TRAPPC9: variants seen among roughly 807,000 people sequenced by gnomAD.
The protein encoded by TRAPPC9 is IKK2 binding protein.
In TRAPPC9, 83 loss-of-function variants were observed where a neutral mutation model predicts 124.0. The observed-to-expected ratio is 0.67, with a 90% CI of 0.56 to 0.80. The LOEUF (loss-of-function observed/expected upper bound fraction) is 0.80. TRAPPC9 is among the 30% of genes least tolerant of loss of function. The probability of loss-of-function intolerance (pLI) is 0.00; values close to 1 mark genes in which losing one functional copy is unlikely to be tolerated. For synonymous variants in TRAPPC9, 638 were observed against 617.5 expected, an observed-to-expected ratio of 1.03 and a Z score of -0.49; for missense variants, 1,302 against 1,508.3, an observed-to-expected ratio of 0.86 and a Z score of 2.27.
intron 17 of TRAPPC9, among the ~76,000 whole-genome samples, chr8:140,060,157 T>G (rs1056613291): frequency 8.5e-5 from 13 of 152,236 alleles, no homozygotes; most frequent in African/African-American, 2.9e-4. Context: ...ATGCCTGTTT[T>G]CCAGTCCTCT....
intron 20 of TRAPPC9, among the ~76,000 whole-genome samples, chr8:139,899,041 A>T: frequency 7.1e-6 from 1 of 139,900 alleles, no homozygotes; most frequent in East Asian, 2.3e-4. Flanking sequence ...AATTGCTTGA[A>T]CCCAGGAGGC....
intron 19 of TRAPPC9, among the ~76,000 whole-genome samples, chr8:139,928,821 TG>T (rs1408397860): frequency 4.0e-5 from 6 of 151,378 alleles, no homozygotes; most frequent in African/African-American, 1.5e-4. Context: ...CTCACCCTTT[TG>T]TGGGTGCATT....
intron 17 of TRAPPC9, among the ~76,000 whole-genome samples, chr8:140,125,359 C>T (rs1258091554): frequency 5.3e-5 from 8 of 152,290 alleles, no homozygotes; most frequent in East Asian, 1.9e-4. Flanking sequence ...GAAGCATCGA[C>T]GAGAACCTAG....
chr8:139,768,394 G>A (rs1297421554), intron 21 of TRAPPC9, among the ~76,000 whole-genome samples: 1 of 152,238 alleles, frequency 6.6e-6, no homozygotes, highest in East Asian at 1.9e-4. Context: ...GCACGGGGCA[G>A]GCAGGTTTTG....
chr8:140,368,096 G>A (rs887472588), intron 8 of TRAPPC9, among the ~76,000 whole-genome samples: 5 of 152,176 alleles, frequency 3.3e-5, no homozygotes, highest in Non-Finnish European at 5.9e-5. Context: ...TTCTTTAAAC[G>A]TGGGACTTGG....
intron 7 of TRAPPC9, among the ~76,000 whole-genome samples, chr8:140,392,236 T>A (rs2068947145): frequency 6.6e-6 from 1 of 152,134 alleles, no homozygotes; most frequent in South Asian, 2.1e-4. Flanking sequence ...CTTTGCAAAG[T>A]TGTTGTGATG....
chr8:140,225,569 G>A (rs949463327), intron 16 of TRAPPC9, among the ~76,000 whole-genome samples: 1 of 152,218 alleles, frequency 6.6e-6, no homozygotes, highest in African/African-American at 2.4e-5. Flanking sequence ...AATGCCTGCT[G>A]TGAAGGGTAC....
At chr8:140,105,793 G>A (rs199866762) in intron 17 of TRAPPC9, among the ~76,000 whole-genome samples, 1 of 152,128 alleles carries the variant, frequency 6.6e-6, no homozygotes, top group East Asian at 1.9e-4. Flanking sequence ...GGAGGCTCCA[G>A]GAAGGAGAGA....
intron 19 of TRAPPC9, among the ~76,000 whole-genome samples, chr8:139,987,315 A>G (rs1425313412): frequency 6.6e-6 from 1 of 152,194 alleles, no homozygotes; most frequent in Non-Finnish European, 1.5e-5. Flanking sequence ...TTTACAGGAT[A>G]GCCCCAGACC....
intron 2 of TRAPPC9, among the ~76,000 whole-genome samples, chr8:140,449,674 A>C (rs2071388075): frequency 6.6e-6 from 1 of 152,240 alleles, no homozygotes; most frequent in Non-Finnish European, 1.5e-5. Flanking sequence ...GCATCCTGAT[A>C]TCCATGCTTG....
chr8:140,452,776 C>A (rs2071513952), intron 1 of TRAPPC9, among the ~76,000 whole-genome samples: 1 of 152,172 alleles, frequency 6.6e-6, no homozygotes, highest in Non-Finnish European at 1.5e-5. Flanking sequence ...CTGCCCCCAG[C>A]CTACAGACGG....
At chr8:140,002,844 C>CAAAAAAAAAAAAAAAAAA (rs56895763) in intron 18 of TRAPPC9, among the ~76,000 whole-genome samples, 1 of 68,806 alleles carries the variant, frequency 1.5e-5, no homozygotes, top group Non-Finnish European at 2.8e-5. Flanking sequence ...TTCCACTTAT[C>CAAAAAAAAAAAAAAAAAA]AAAAAAAAAA....
chr8:140,275,090 C>T (rs2065070343), intron 15 of TRAPPC9, among the ~76,000 whole-genome samples: 1 of 152,206 alleles, frequency 6.6e-6, no homozygotes, highest in Non-Finnish European at 1.5e-5. Flanking sequence ...ACCAGGTGTC[C>T]TGCCAAACAC....
At chr8:140,023,248 C>T (rs1238461754) in intron 18 of TRAPPC9, among the ~76,000 whole-genome samples, 1 of 152,182 alleles carries the variant, frequency 6.6e-6, no homozygotes, top group Non-Finnish European at 1.5e-5. Context: ...GCTTCATTCA[C>T]CTCCAGCTTC....
At chr8:139,856,540 T>C (rs1355763984) in intron 21 of TRAPPC9, among the ~76,000 whole-genome samples, 1 of 152,162 alleles carries the variant, frequency 6.6e-6, no homozygotes, top group East Asian at 1.9e-4. Flanking sequence ...TCCTCTCAGC[T>C]TCCCCTGAGC....
intron 2 of TRAPPC9, among the ~76,000 whole-genome samples, chr8:140,439,538 A>G (rs1457616843): frequency 1.3e-5 from 2 of 152,226 alleles, no homozygotes; most frequent in South Asian, 2.1e-4. Flanking sequence ...AAAAAAATCA[A>G]TTATCTTCCA....
At chr8:139,819,929 C>A (rs1381737930) in intron 21 of TRAPPC9, among the ~76,000 whole-genome samples, 2 of 147,748 alleles carry the variant, frequency 1.4e-5, no homozygotes, top group Non-Finnish European at 3.0e-5. Context: ...AGGAGAATCA[C>A]CCCGGGAGGC....
intron 17 of TRAPPC9, among the ~76,000 whole-genome samples, chr8:140,049,286 G>C (rs952584850): frequency 2.0e-5 from 3 of 152,190 alleles, no homozygotes; most frequent in African/African-American, 7.2e-5. Flanking sequence ...AAAACTTTTG[G>C]CAAGGAGAGT....
chr8:139,978,003 A>C (rs1377956475), intron 19 of TRAPPC9, among the ~76,000 whole-genome samples: 6 of 152,010 alleles, frequency 3.9e-5, no homozygotes, highest in Admixed American at 6.6e-5. Context: ...TTTAATGAGG[A>C]CTAAAAAAAG....
Sources: allele counts gnomAD v4.1 joint callset (sites outside exome capture counted in the v4.1 genomes callset), GRCh38; gene constraint gnomAD v4.1.1; transcripts MANE v1.5; gene names NCBI Gene and HGNC (gene_info 2026-07-23, HGNC 2026-07-21).